The following ZNF285 variants were observed in gnomAD, a reference collection of about 807,000 sequenced individuals.
ZNF285 encodes the protein zinc finger protein 285A.
Under a neutral mutation model 6.2 loss-of-function variants are expected in ZNF285, and 4 were observed. That is an observed-to-expected ratio of 0.65 (90% CI 0.32 to 1.49). The LOEUF is 1.49. ZNF285 is among the 40% of genes most tolerant of loss of function. The pLI, the probability that ZNF285 is intolerant of heterozygous loss-of-function variation, is 0.07. For missense variants in ZNF285, 695 were observed against 708.8 expected (o/e 0.98, Z 0.22); for synonymous variants, 240 against 245.8 (o/e 0.98, Z 0.22).
At position 44,387,029 on chromosome 19, in the gene ZNF285, C is replaced by A. The variant is rs1022259987; in HGVS notation, c.1216G>T (p.Gly406Cys). 2 of 1,614,158 alleles carry A rather than the reference C, an allele frequency of 1.2e-6. No individual in the cohort carries two copies. Among genetic ancestry groups the A allele is most frequent in the African/African-American group, 1.3e-5 (1 of 75,056 alleles). ...ACGGAGCTTGAACTAAAGCACTTGC[C>A]ACACTCACTGCATTTGTAGGGCTTC... Reference protein sequence around the residue: ...GEKPYKCSECGKCFSSSSVLQ... With the variant: ...GEKPYKCSECCKCFSSSSVLQ... Residue 406 changes from glycine to cysteine, a missense_variant, in exon 4 of 4, where the codon GGC (glycine) becomes TGC (cysteine). Gly to Cys is a radical substitution (Grantham distance 159). Coordinates refer to ENST00000614994, the MANE Select transcript of ZNF285 (RefSeq NM_152354.6).
intron 1 of ZNF285, among the ~76,000 whole-genome samples, chr19:44,397,462 C>G (rs1971301352): frequency 6.6e-6 from 1 of 152,148 alleles, no homozygotes; most frequent in South Asian, 2.1e-4. Context: ...TGTGTAACTC[C>G]TATCTCTCTC....
In ZNF285 at chr19:44,387,561, T is replaced by C; in HGVS notation, c.684A>G (p.Leu228=). 1 of 1,613,976 alleles carries C rather than the reference T, an allele frequency of 6.2e-7. No homozygotes were observed. The highest frequency in any genetic ancestry group is 1.1e-5 in the South Asian group (1 of 91,076). Residue 228 remains leucine (L), a synonymous_variant, in exon 4 of 4, where the codon TTA becomes TTG. Transcript: ENST00000614994. The stretch of plus-strand genomic sequence containing the variant: ...AGTTATTACATGGGAAAGGCTGTGG[T>C]AATACATGGGCCGCATTACGTTTTT... ...TVEKRNAAHV[L]PQPFPCNNCG...
Position 44,386,489 on chromosome 19 carries a change from G to A in ZNF285, c.1756C>T (p.Gln586Ter). The change falls in exon 4 of 4, where the codon CAG becomes TAG. Residue 586 changes from glutamine to a stop codon, truncating the protein, a stop_gained. Coordinates refer to ENST00000614994, the MANE Select transcript of ZNF285 (RefSeq NM_152354.6). LOFTEE classifies it high-confidence loss of function. Reference sequence around the variant, plus strand: ...TACTACATTTATAATGTTTCTCTCTGCTCATGTAGTCTTTGATGAGTCAGA... The same window carrying A: ...TACTACATTTATAATGTTTCTCTCTACTCATGTAGTCTTTGATGAGTCAGA... The part of the protein sequence containing the change: ...DLLTHQRLHE[Q>*]RETL 1.9e-6 allele frequency: 3 copies of A among 1,612,486 alleles called. No individual in the cohort carries two copies. The highest frequency in any genetic ancestry group is 2.5e-6 in the Non-Finnish European group (3 of 1,178,820).
In ZNF285 at chr19:44,387,845, C is replaced by T. The variant is rs1264961660; in HGVS notation, c.400G>A (p.Asp134Asn). 4 of 1,613,778 alleles carry T rather than the reference C, an allele frequency of 2.5e-6. No individual in the cohort carries two copies. Among genetic ancestry groups the T allele is most frequent in the Admixed American group, 1.7e-5 (1 of 59,972 alleles). The change falls in exon 4 of 4, where the codon GAT (aspartate) becomes AAT (asparagine). Residue 134 changes from aspartate (D) to asparagine (N), a missense_variant. Coordinates refer to ENST00000614994, the MANE Select transcript of ZNF285 (RefSeq NM_152354.6). ...GTCAGGCTTTGCCATGCTGTGATAT[C>T]TTGATTTTTGATAATGGCATTTACT... Reference protein sequence around the residue: ...YVVNAIIKNQDITAWQSLTQV... With the variant: ...YVVNAIIKNQNITAWQSLTQV...
At chr19:44,388,203 T>A (rs1441563697) in intron 3 of ZNF285, 101 bp from the exon 4 acceptor site, 23 of 1,077,600 alleles carry the variant, frequency 2.1e-5, no homozygotes, top group Non-Finnish European at 3.0e-5. Flanking sequence ...GTCCCTGGGT[T>A]CTATTGACGT....
intron 2 of ZNF285, chr19:44,394,438 C>A: frequency 2.2e-6 from 1 of 446,864 alleles, no homozygotes. Flanking sequence ...CTGAAATAAC[C>A]TATTGGGTAT....
At position 44,383,371 on chromosome 19, in the gene ZNF285, G is replaced by C. The variant is rs943302314; in HGVS notation, c.*3101C>G. On this transcript the variant is annotated 3_prime_UTR_variant, in exon 4 of 4. Coordinates refer to ENST00000614994, the MANE Select transcript of ZNF285 (RefSeq NM_152354.6). The stretch of plus-strand genomic sequence containing the variant: ...CCTGTTCCCTGATGAGGCCTTAAGA[G>C]ATCACAGCTTTTGCCCTTGAAACCC... The C allele has an allele frequency of 1.3e-5, 2 of 152,154 alleles. No individual in the cohort carries two copies. The highest frequency in any genetic ancestry group is 2.9e-5 in the Non-Finnish European group (2 of 68,028). 9.4% of individuals were successfully genotyped at this position (152,154 alleles called of 1,614,324 possible). A position where few individuals can be genotyped will look rare whatever the true frequency, so the allele number is the denominator to read the frequency against.
intron 1 of ZNF285, among the ~76,000 whole-genome samples, chr19:44,400,822 C>G (rs926431017): frequency 2.6e-5 from 4 of 152,094 alleles, no homozygotes; most frequent in African/African-American, 9.7e-5. Flanking sequence ...ACCTCGTGAT[C>G]CGCCCACTTT....
chr19:44,392,905 A>T (rs552579070), intron 2 of ZNF285, among the ~76,000 whole-genome samples: 13 of 152,252 alleles, frequency 8.5e-5, no homozygotes, highest in African/African-American at 2.9e-4. Flanking sequence ...AAGATTTAGT[A>T]TTTTCACTTT....
At chr19:44,393,492 ATTTG>A (rs1182169815) in intron 2 of ZNF285, among the ~76,000 whole-genome samples, 2 of 152,006 alleles carry the variant, frequency 1.3e-5, no homozygotes, top group Non-Finnish European at 2.9e-5. Flanking sequence ...TTTCTTGTAA[ATTTG>A]TTTGAGTTCA....
chr19:44,387,998 C>A lies in ZNF285; in HGVS notation c.247G>T (p.Asp83Tyr), dbSNP rs749067872. The change falls in exon 4 of 4, where the codon GAT becomes TAT. Residue 83 changes from aspartate to tyrosine, a missense_variant. Coordinates refer to ENST00000614994, the MANE Select transcript of ZNF285 (RefSeq NM_152354.6). ...ATATAATCCTGACTCACAGTTAAAT[C>A]CCGGATCCTTTGTTTCCAAATCTGC... is the stretch of plus-strand genomic sequence containing the variant. Reference protein sequence around the residue: ...CWQIWKQRIRDLTVSQDYIVN... With the variant: ...CWQIWKQRIRYLTVSQDYIVN... 1 of 1,614,002 alleles carries A rather than the reference C, an allele frequency of 6.2e-7. No homozygotes were observed. Among genetic ancestry groups the A allele is most frequent in the Non-Finnish European group, 8.5e-7 (1 of 1,180,032 alleles).
At chr19:44,392,079 G>T in intron 3 of ZNF285, 1 of 986,630 alleles carries the variant, frequency 1.0e-6, no homozygotes, top group Non-Finnish European at 1.3e-6. Context: ...TGTGAGTAGG[G>T]GAGGGAGGGC....
chr19:44,392,396 T>C lies in ZNF285; in HGVS notation c.86A>G (p.Gln29Arg), dbSNP rs1237541426. The C allele has an allele frequency of 7.4e-6, 12 of 1,613,776 alleles. No homozygotes were observed. The highest frequency in any genetic ancestry group is 1.3e-5 in the African/African-American group (1 of 74,854). The change falls in exon 3 of 4, where the codon CAG becomes CGG. Residue 29 changes from glutamine (Q) to arginine (R), a missense_variant. Transcript: ENST00000614994. ...KEELALLDKA[Q>R]INLYQDVMLE... ...CATCACATCTTGGTACAGGTTTATC[T>C]GGGCTTTATCCAATAGTGCCAGCTC...
At position 44,386,590 on chromosome 19, in the gene ZNF285, T is replaced by G. The variant is rs573229458; in HGVS notation, c.1655A>C (p.Asn552Thr). 1 of 1,614,178 alleles carries G rather than the reference T, an allele frequency of 6.2e-7. No homozygotes were observed. Among genetic ancestry groups the G allele is most frequent in the South Asian group, 1.1e-5 (1 of 91,088 alleles). Reference protein sequence around the residue: ...CKACGKGFSRNSYLLAHQRVH... With the variant: ...CKACGKGFSRTSYLLAHQRVH... ...TCTCTGATGGGCAAGGAGGTATGAATTACGACTGAAGCCCTTACCACATGC... is the reference window on the plus strand; with the variant it reads ...TCTCTGATGGGCAAGGAGGTATGAAGTACGACTGAAGCCCTTACCACATGC... Residue 552 changes from asparagine (N) to threonine (T), a missense_variant, in exon 4 of 4, where the codon AAT (asparagine) becomes ACT (threonine). Transcript: ENST00000614994.
Position 44,387,546 on chromosome 19 carries a change from T to C in ZNF285, c.699A>G (p.Pro233=). 3 of 1,613,954 alleles carry C rather than the reference T, an allele frequency of 1.9e-6. No homozygotes were observed. The highest frequency in any genetic ancestry group is 2.5e-6 in the Non-Finnish European group (3 of 1,179,856). Residue 233 remains proline, a synonymous_variant, in exon 4 of 4, where the codon CCA becomes CCG. Transcript: ENST00000614994. ...NAAHVLPQPF[P]CNNCGVAFAD... ...CAAAGGCCACCCCACAGTTATTACA[T>C]GGGAAAGGCTGTGGTAATACATGGG... is the stretch of plus-strand genomic sequence containing the variant.
chr19:44,399,042 T>C (rs1176105188), intron 1 of ZNF285, among the ~76,000 whole-genome samples: 1 of 151,810 alleles, frequency 6.6e-6, no homozygotes, highest in Non-Finnish European at 1.5e-5. Context: ...TGTTAATCAA[T>C]AAGACAAAAT....
intron 3 of ZNF285, among the ~76,000 whole-genome samples, chr19:44,390,739 C>T (rs1455998770): frequency 1.3e-5 from 2 of 151,892 alleles, no homozygotes; most frequent in Non-Finnish European, 2.9e-5. Flanking sequence ...TGAATTGTAA[C>T]TCCCAAAATT....
intron 2 of ZNF285, among the ~76,000 whole-genome samples, chr19:44,393,666 T>A (rs911072581): frequency 6.6e-6 from 1 of 152,108 alleles, no homozygotes; most frequent in African/African-American, 2.4e-5. Context: ...TTTTGTTGCA[T>A]CATCACTGGC....
In ZNF285 at chr19:44,387,944, G is replaced by T. The variant is rs143200727; in HGVS notation, c.301C>A (p.His101Asn). ...TCACTGAGGGAAACATCTTCTAAAT[G>T]TGGGGAACACTCTTCTTGAAGGTTC... ...IVNLQEECSP[H>N]LEDVSLSEEW... The change falls in exon 4 of 4, where the codon CAT becomes AAT. Residue 101 changes from histidine (H) to asparagine (N), a missense_variant. His to Asn is a moderately conservative substitution (Grantham distance 68, BLOSUM62 1). Coordinates refer to ENST00000614994, the MANE Select transcript of ZNF285 (RefSeq NM_152354.6). 6.2e-7 allele frequency: 1 copy of T among 1,614,020 alleles called. No homozygotes were observed. Among genetic ancestry groups the T allele is most frequent in the African/African-American group, 1.3e-5 (1 of 74,926 alleles).
Sources: gnomAD v4.1 joint callset for allele counts (sites outside exome capture counted in the v4.1 genomes callset) on GRCh38, gnomAD v4.1.1 for gene constraint, MANE v1.5 for transcripts, NCBI Gene and HGNC (gene_info 2026-07-23, HGNC 2026-07-21) for gene names.